Variants in EBPL observed in about 807,000 individuals in gnomAD.
The protein encoded by EBPL is EBP like.
A neutral mutation model predicts 19.0 loss-of-function variants in EBPL; 20 were observed. That is an observed-to-expected ratio of 1.05 (90% CI 0.74 to 1.53). The LOEUF is 1.53. Ranked by LOEUF, EBPL falls within the 40% of genes most tolerant of loss-of-function variation. The pLI, the probability that EBPL is intolerant of heterozygous loss-of-function variation, is 0.00. For synonymous variants in EBPL, 107 were observed against 117.0 expected (o/e 0.91, Z 0.55); for missense variants, 219 against 261.1 (o/e 0.84, Z 1.11).
At chr13:49,675,963 G>A (rs1953871631) in intron 1 of EBPL, among the ~76,000 whole-genome samples, 1 of 151,688 alleles carries the variant, frequency 6.6e-6, no homozygotes, top group African/African-American at 2.4e-5. Context: ...CCTAATGACT[G>A]ACTAGTGATG....
intron 1 of EBPL, among the ~76,000 whole-genome samples, chr13:49,689,474 C>T (rs570379695): frequency 6.6e-6 from 1 of 152,056 alleles, no homozygotes; most frequent in African/African-American, 2.4e-5. Context: ...CTCAGCCACC[C>T]GGGTAGCTGA....
intron 2 of EBPL, among the ~76,000 whole-genome samples, chr13:49,665,029 CCAGT>C (rs752085635): frequency 2.0e-5 from 3 of 151,948 alleles, no homozygotes; most frequent in African/African-American, 4.8e-5. Context: ...GTGAAATGTA[CCAGT>C]TAGTGCACCT....
intron 1 of EBPL, among the ~76,000 whole-genome samples, chr13:49,684,127 A>AAGGGACATGAGAAAACTT: frequency 6.6e-6 from 1 of 152,198 alleles, no homozygotes; most frequent in South Asian, 2.1e-4. Flanking sequence ...ATCATCTTCA[A>AAGGGACATGAGAAAACTT]AGGGACATGA....
At chr13:49,672,606 A>G (rs1362686611) in intron 1 of EBPL, among the ~76,000 whole-genome samples, 2 of 152,248 alleles carry the variant, frequency 1.3e-5, no homozygotes, top group Non-Finnish European at 2.9e-5. Flanking sequence ...AACAATAATA[A>G]TAATCTGGTT....
rs1340061242 is a variant in EBPL at position 49,660,695 on chromosome 13, T to C, written c.*273A>G. Reference sequence around the variant, plus strand: ...AGTATTCTAAGATAATTGGTTTTACTAATGTGGAACAATTAATGCCAGCCA... The same window carrying C: ...AGTATTCTAAGATAATTGGTTTTACCAATGTGGAACAATTAATGCCAGCCA... On this transcript the variant is annotated 3_prime_UTR_variant, in exon 4 of 4. Transcript: ENST00000242827. 3.1e-6 allele frequency: 1 copy of C among 323,144 alleles called. No individual in the cohort carries two copies. 20.0% of individuals were successfully genotyped at this position (323,144 alleles called of 1,614,324 possible).
At chr13:49,669,727 G>C in intron 2 of EBPL, 50 bp downstream of exon 2, 1 of 1,512,480 alleles carries the variant, frequency 6.6e-7, no homozygotes, top group Non-Finnish European at 9.2e-7. Context: ...AGTCACACTT[G>C]CAATAAACCT....
intron 2 of EBPL, among the ~76,000 whole-genome samples, chr13:49,665,790 G>A (rs955673035): frequency 2.6e-5 from 4 of 151,658 alleles, no homozygotes; most frequent in African/African-American, 9.7e-5. Flanking sequence ...GGACCATGTT[G>A]GCCCTTAGTG....
At chr13:49,664,570 A>T (rs1965199338) in intron 2 of EBPL, among the ~76,000 whole-genome samples, 1 of 152,172 alleles carries the variant, frequency 6.6e-6, no homozygotes, top group Non-Finnish European at 1.5e-5. Flanking sequence ...TTATTTAATT[A>T]CTTTCTTAAT....
chr13:49,663,810 A>G (rs1467528716), intron 2 of EBPL, among the ~76,000 whole-genome samples: 2 of 151,914 alleles, frequency 1.3e-5, no homozygotes, highest in Non-Finnish European at 2.9e-5. Context: ...GGTGGCGGGC[A>G]CCTGCAGTCC....
At chr13:49,688,355 G>C (rs1044006861) in intron 1 of EBPL, among the ~76,000 whole-genome samples, 1 of 152,136 alleles carries the variant, frequency 6.6e-6, no homozygotes, top group Non-Finnish European at 1.5e-5. Context: ...TGCTTGGCTT[G>C]AAACTGTCCA....
chr13:49,681,142 ATACAG>A (rs1953938795), intron 1 of EBPL, among the ~76,000 whole-genome samples: 1 of 152,262 alleles, frequency 6.6e-6, no homozygotes, highest in African/African-American at 2.4e-5. Context: ...GGTTTAAAAA[ATACAG>A]TAAAGTTCCT....
In EBPL at chr13:49,660,906, C is replaced by A; in HGVS notation, c.*62G>T. ...TGGAATGTATTACATTTTGGCCAAA[C>A]AAAAAGATTTGATTCATTCTGGTTC... On this transcript the variant is annotated 3_prime_UTR_variant, in exon 4 of 4. Coordinates refer to ENST00000242827, the MANE Select transcript of EBPL (RefSeq NM_032565.5). 1.4e-6 allele frequency: 2 copies of A among 1,450,998 alleles called. No individual in the cohort carries two copies. The highest frequency in any genetic ancestry group is 1.3e-5 in the South Asian group (1 of 77,410). 89.9% of individuals were successfully genotyped at this position (1,450,998 alleles called of 1,614,324 possible). A position where few individuals can be genotyped will look rare whatever the true frequency, so the allele number is the denominator to read the frequency against.
chr13:49,689,260 G>C (rs541457966), intron 1 of EBPL, among the ~76,000 whole-genome samples: 1 of 152,344 alleles, frequency 6.6e-6, no homozygotes, highest in East Asian at 1.9e-4. Context: ...ACCTGAGCTT[G>C]AAAAGTAAAC....
rs1010863418 is a variant in EBPL at position 49,691,379 on chromosome 13, G to T, written c.46C>A (p.Leu16Met). Reference protein sequence around the residue: ...ELGAEAGGSLLLCAALLAAGC... With the variant: ...ELGAEAGGSLMLCAALLAAGC... ...GCCGCCAGCAGCGCGGCGCACAGCA[G>T]CAGCGAACCGCCAGCCTCGGCCCCC... The change falls in exon 1 of 4, where the codon CTG becomes ATG. Residue 16 changes from leucine to methionine, a missense_variant. By Grantham distance (15) the Leu-to-Met change is conservative (BLOSUM62 2). Coordinates refer to ENST00000242827, the MANE Select transcript of EBPL (RefSeq NM_032565.5). 7.3e-7 allele frequency: 1 copy of T among 1,362,882 alleles called. No individual in the cohort carries two copies. Among genetic ancestry groups the T allele is most frequent in the South Asian group, 2.2e-5 (1 of 46,264 alleles). 84.4% of individuals were successfully genotyped at this position (1,362,882 alleles called of 1,614,324 possible).
intron 1 of EBPL, among the ~76,000 whole-genome samples, chr13:49,676,961 C>CA (rs1417939912): frequency 8.6e-5 from 13 of 152,012 alleles, no homozygotes; most frequent in Non-Finnish European, 1.8e-4. Context: ...GTGTGACTTG[C>CA]AAAAGTCCTT....
chr13:49,666,153 A>C (rs986180450), intron 2 of EBPL, among the ~76,000 whole-genome samples: 1 of 152,126 alleles, frequency 6.6e-6, no homozygotes, highest in Admixed American at 6.5e-5. Context: ...TTGCAGTAAC[A>C]AGAGGAGGGG....
intron 1 of EBPL, among the ~76,000 whole-genome samples, chr13:49,679,395 C>T (rs1382281457): frequency 6.6e-6 from 1 of 152,162 alleles, no homozygotes; most frequent in African/African-American, 2.4e-5. Context: ...ATGAAAGGTG[C>T]CTGGTCAACA....
At chr13:49,664,166 C>T (rs951195775) in intron 2 of EBPL, among the ~76,000 whole-genome samples, 12 of 150,572 alleles carry the variant, frequency 8.0e-5, no homozygotes, top group South Asian at 2.1e-4. Context: ...GCAAGAGAAT[C>T]GCTTGAACCC....
At chr13:49,682,983 G>T (rs9535299) in intron 1 of EBPL, among the ~76,000 whole-genome samples, 95,744 of 151,694 alleles carry the variant, frequency 0.63, 31,957 homozygotes, top group East Asian at 0.76. Flanking sequence ...ATTCATCCAT[G>T]AATTTATTGA....
Sources: gnomAD v4.1 joint callset for allele counts (sites outside exome capture counted in the v4.1 genomes callset) on GRCh38, gnomAD v4.1.1 for gene constraint, MANE v1.5 for transcripts, NCBI Gene and HGNC (gene_info 2026-07-23, HGNC 2026-07-21) for gene names.